Variants in PARP10 observed in about 807,000 individuals in gnomAD.
PARP10 encodes the protein protein mono-ADP-ribosyltransferase PARP10.
In PARP10, 56 loss-of-function variants were observed where a neutral mutation model predicts 82.4. The ratio of observed to expected loss-of-function variants is 0.68; its 90% CI spans 0.55 to 0.85. The LOEUF is 0.85. Ranked by LOEUF, PARP10 falls within the 40% of genes least tolerant of loss-of-function variation. The pLI is 0.00. For synonymous variants in PARP10, 576 were observed against 601.1 expected (o/e 0.96, Z 0.61); for missense variants, 1,227 against 1,379.4 (o/e 0.89, Z 1.75).
chr8:143,991,504 AC>A, upstream of PARP10: 1 of 1,537,504 alleles, frequency 6.5e-7, no homozygotes, highest in Non-Finnish European at 8.7e-7. Context: ...CAGGGCCCCT[AC>A]CCCCAAGGGG....
Position 143,985,245 on chromosome 8 carries a change from C to T in PARP10, c.757G>A (p.Glu253Lys), listed in dbSNP as rs139109308. Reference protein sequence around the residue: ...LVPHYDILEPEELAENTSGGD... With the variant: ...LVPHYDILEPKELAENTSGGD... ...CCACTGGTGTTCTCAGCCAGCTCCT[C>T]GGGCTCCAGGATGTCGTAGTGGGGG... Residue 253 changes from glutamate (E) to lysine (K), a missense_variant, in exon 5 of 11, where the codon GAG becomes AAG. By Grantham distance (56) the Glu-to-Lys change is moderately conservative (BLOSUM62 1). Coordinates refer to ENST00000313028, the MANE Select transcript of PARP10 (RefSeq NM_032789.5). The T allele has an allele frequency of 1.3e-5, 21 of 1,613,950 alleles. No homozygotes were observed. Among genetic ancestry groups the T allele is most frequent in the African/African-American group, 5.3e-5 (4 of 74,942 alleles).
Position 144,008,851 on chromosome 8 carries a change from T to C in PARP10, c.-80+3679A>G, listed in dbSNP as rs1349789861. Among the ~76,000 whole-genome samples the C allele has an allele frequency of 6.6e-6, 1 of 152,156 alleles. No individual in the cohort carries two copies. The highest frequency in any genetic ancestry group is 1.5e-5 in the Non-Finnish European group (1 of 68,034). On this transcript the variant is annotated intron_variant, in intron 1 of 3. Transcript: ENST00000530478. This position sits in a 1 kb window ranked among gnomAD's most constrained non-coding sequence, Gnocchi z 4.0. ...TGGATACCAAAGGACACTTTGTATATAAAACATAACAAAAAGAAAAAGAAA... is the reference window on the plus strand; with the variant it reads ...TGGATACCAAAGGACACTTTGTATACAAAACATAACAAAAAGAAAAAGAAA...
chr8:143,992,713 C>T, upstream of PARP10: 2 of 1,614,006 alleles, frequency 1.2e-6, no homozygotes, highest in South Asian at 1.1e-5. Context: ...GGACACCCAG[C>T]TGCTACTGGG....
intron 1 of PARP10, among the ~76,000 whole-genome samples, chr8:144,001,763 C>T (rs1554751722): frequency 1.3e-5 from 2 of 151,484 alleles, no homozygotes; most frequent in South Asian, 2.1e-4. Context: ...AAAGTCTGGG[C>T]ACAGTGGCTC....
At position 143,977,540 on chromosome 8, in the gene PARP10, G is replaced by A. The variant is rs1554746488; in HGVS notation, c.3022C>T (p.Pro1008Ser). 1 of 1,564,122 alleles carries A rather than the reference G, an allele frequency of 6.4e-7. No individual in the cohort carries two copies. The highest frequency in any genetic ancestry group is 8.7e-7 in the Non-Finnish European group (1 of 1,154,598). The change falls in exon 11 of 11, where the codon CCC becomes TCC. Residue 1008 changes from proline (P) to serine (S), a missense_variant. Transcript: ENST00000313028. ...PTHLITCEHVPRASPDDPSGL... is the reference protein window; with the variant it reads ...PTHLITCEHVSRASPDDPSGL... ...GAGGGGTCGTCGGGGGAAGCGCGGG[G>A]CACGTGCTCGCAGGTGATGAGGTGG...
rs1834246861 is a variant in PARP10 at position 144,008,070 on chromosome 8, G to A, written c.-80+4460C>T. The stretch of plus-strand genomic sequence containing the variant: ...ACTGAATCTGTGGGAGCACAGACTA[G>A]ACAACTACCTCCCGGCAGCTCCTCG... On this transcript the variant is annotated intron_variant, in intron 1 of 3. Transcript: ENST00000530478. The surrounding 1 kb of genome is among the most constrained non-coding windows in gnomAD (Gnocchi z 4.0). Among the ~76,000 whole-genome samples, 1 of 152,202 alleles carries A rather than the reference G, an allele frequency of 6.6e-6. No homozygotes were observed. Among genetic ancestry groups the A allele is most frequent in the Non-Finnish European group, 1.5e-5 (1 of 68,038 alleles).
At chr8:143,995,381 A>G (rs1320804534), upstream of PARP10, among the ~76,000 whole-genome samples, 1 of 152,216 alleles carries the variant, frequency 6.6e-6, no homozygotes, top group Non-Finnish European at 1.5e-5. Flanking sequence ...GGTGCCAATT[A>G]AGCCAGGCTG....
rs782288388 is a variant in PARP10, at chr8:143,985,922, T to G, written c.235A>C (p.Ser79Arg). Reference protein sequence around the residue: ...ADHELHGAQLSLRPAPPRAPA... With the variant: ...ADHELHGAQLRLRPAPPRAPA... ...GCTCGTGGTGGAGCTGGCCGCAGGC[T>G]CAGCTGGGCACCATGTAGTTCGTGA... Residue 79 changes from serine (S) to arginine (R), a missense_variant, in exon 3 of 11, where the codon AGC becomes CGC. Coordinates refer to ENST00000313028, the MANE Select transcript of PARP10 (RefSeq NM_032789.5). 26 of 1,579,160 alleles carry G rather than the reference T, an allele frequency of 1.6e-5. No individual in the cohort carries two copies. The highest frequency in any genetic ancestry group is 2.1e-5 in the Non-Finnish European group (24 of 1,159,094).
Position 143,983,287 on chromosome 8 carries a change from A to C in PARP10, c.2302T>G (p.Cys768Gly). Reference protein sequence around the residue: ...HGVSVALRGDCTILRGFGAHP... With the variant: ...HGVSVALRGDGTILRGFGAHP... ...GCCCCGAAGCCACGGAGGATGGTGC[A>C]GTCACCACGCAGGGCAACACTCACA... Residue 768 changes from cysteine to glycine, a missense_variant, in exon 8 of 11, where the codon TGC (cysteine) becomes GGC (glycine). By Grantham distance (159) the Cys-to-Gly change is radical. Coordinates refer to ENST00000313028, the MANE Select transcript of PARP10 (RefSeq NM_032789.5). The C allele has an allele frequency of 1.2e-6, 2 of 1,612,942 alleles. No homozygotes were observed. Among genetic ancestry groups the C allele is most frequent in the Non-Finnish European group, 1.7e-6 (2 of 1,179,796 alleles).
upstream of PARP10, chr8:143,993,057 G>A (rs1373440684): frequency 3.1e-5 from 17 of 551,934 alleles, no homozygotes; most frequent in Non-Finnish European, 4.8e-5. Context: ...TCCCGCCCCC[G>A]CCAAGGGGCA....
chr8:144,000,281 G>A (rs781986342), intron 1 of PARP10, among the ~76,000 whole-genome samples: 7 of 152,162 alleles, frequency 4.6e-5, no homozygotes, highest in African/African-American at 9.7e-5. Context: ...CATAGCTGAT[G>A]CTTTTATAAA....
chr8:144,012,349 G>C (rs1203514500), intron 1 of PARP10: 3 of 622,320 alleles, frequency 4.8e-6, no homozygotes, highest in Non-Finnish European at 8.6e-6. Context: ...TTAGAGCAGA[G>C]AGGGCAAGGA....
upstream of PARP10, chr8:143,991,649 A>C: frequency 1.9e-6 from 3 of 1,585,440 alleles, no homozygotes; most frequent in Non-Finnish European, 2.6e-6. Flanking sequence ...GGGCAGGGGG[A>C]GGTGCTTGTG....
chr8:144,006,608 G>A (rs1174576439), intron 1 of PARP10, among the ~76,000 whole-genome samples: 1 of 152,196 alleles, frequency 6.6e-6, no homozygotes, highest in Non-Finnish European at 1.5e-5. Context: ...GTCTGCTATG[G>A]ACTAAATGTT....
chr8:144,003,939 G>C (rs1358598742), intron 1 of PARP10, among the ~76,000 whole-genome samples: 4 of 152,070 alleles, frequency 2.6e-5, no homozygotes, highest in Non-Finnish European at 5.9e-5. Flanking sequence ...GGAGGCTGAG[G>C]CAGGAAGATC....
intron 9 of PARP10, among the ~76,000 whole-genome samples, chr8:143,980,755 C>G (rs1461865498): frequency 6.6e-6 from 1 of 152,042 alleles, no homozygotes; most frequent in East Asian, 1.9e-4. Flanking sequence ...AAGCCATTAG[C>G]CTTGAATCCT....
intron 9 of PARP10, among the ~76,000 whole-genome samples, chr8:143,979,366 A>G (rs1471953458): frequency 1.3e-5 from 2 of 152,226 alleles, no homozygotes; most frequent in Admixed American, 1.3e-4. Context: ...TACCGACACC[A>G]GATGCTAAGA....
intron 1 of PARP10, 27 bp from the exon 2 acceptor site, chr8:143,986,260 G>GA: frequency 6.2e-7 from 1 of 1,613,550 alleles, no homozygotes; most frequent in Non-Finnish European, 8.5e-7. Flanking sequence ...GGTGGGTAGG[G>GA]AAACAGCCCA....
At chr8:144,001,136 G>A (rs1396383370) in intron 1 of PARP10, among the ~76,000 whole-genome samples, 5 of 151,430 alleles carry the variant, frequency 3.3e-5, no homozygotes, top group African/African-American at 4.8e-5. Context: ...GGATGGTCTC[G>A]ATCTCCTGAC....
Sources: allele counts gnomAD v4.1 joint callset (sites outside exome capture counted in the v4.1 genomes callset), GRCh38; gene constraint gnomAD v4.1.1; non-coding constraint Gnocchi (gnomAD v3.1); transcripts MANE v1.5; gene names NCBI Gene and HGNC (gene_info 2026-07-23, HGNC 2026-07-21).